Variants in SLC17A1 observed in about 807,000 individuals in gnomAD.
SLC17A1 encodes sodium-dependent phosphate transport protein 1.
Under a neutral mutation model 53.5 loss-of-function variants are expected in SLC17A1, and 51 were observed. The observed-to-expected ratio is 0.95, with a 90% CI of 0.76 to 1.20. The LOEUF is 1.20. Among genes scored for constraint, SLC17A1 ranks in the 50% most tolerant of loss-of-function variants. The pLI is 0.00. For missense variants in SLC17A1, 538 were observed against 568.2 expected (o/e 0.95, Z 0.54); for synonymous variants, 179 against 198.8 (o/e 0.90, Z 0.84).
chr6:25,771,004 A>C, the SLC17A1 span: 1 of 1,613,466 alleles, frequency 6.2e-7, no homozygotes, highest in Non-Finnish European at 8.5e-7. Context: ...TACGTCTTCT[A>C]TATCTTTGGT....
At chr6:25,809,458 A>C (rs571022230) in intron 10 of SLC17A1, among the ~76,000 whole-genome samples, 1 of 152,014 alleles carries the variant, frequency 6.6e-6, no homozygotes, top group South Asian at 2.1e-4. Flanking sequence ...ATTTTTAAAA[A>C]CTCTCCCTAG....
the SLC17A1 span, chr6:25,727,280 C>T: frequency 6.2e-7 from 1 of 1,602,078 alleles, no homozygotes; most frequent in Non-Finnish European, 8.5e-7. Flanking sequence ...CTAAGTACAC[C>T]AGCTCCAAGT....
chr6:25,771,097 T>C, the SLC17A1 span: 25 of 1,093,890 alleles, frequency 2.3e-5, no homozygotes, highest in South Asian at 3.1e-4. Context: ...TCCTAATAGA[T>C]ATGGATATTT....
the SLC17A1 span, among the ~76,000 whole-genome samples, chr6:25,739,078 G>T: frequency 6.6e-6 from 1 of 152,014 alleles, no homozygotes; most frequent in African/African-American, 2.4e-5. Context: ...TAGTCAGTTT[G>T]GGCTGCTACA....
At chr6:25,776,444 T>C in the SLC17A1 span, 1 of 871,236 alleles carries the variant, frequency 1.1e-6, no homozygotes, top group African/African-American at 1.7e-5. Flanking sequence ...ATACTAAAAG[T>C]ATATTGGCTC....
chr6:25,800,908 A>G lies in SLC17A1; in HGVS notation c.1251T>C (p.Thr417=), dbSNP rs1763738779. The G allele has an allele frequency of 3.7e-6, 6 of 1,605,020 alleles. No individual in the cohort carries two copies. The highest frequency in any genetic ancestry group is 4.3e-6 in the Non-Finnish European group (5 of 1,171,858). The change falls in exon 11 of 13, where the codon ACT becomes ACC. Residue 417 remains threonine, a synonymous_variant. Coordinates refer to ENST00000244527, the MANE Select transcript of SLC17A1 (RefSeq NM_005074.5). ...TTCTTACCTGCTTAAGGATCAATCC[A>G]GTCAAAGTGGAAGCAATTAGTCCTC... ...MIGGLIASTL[T]GLILKQDPES... is the part of the protein sequence containing the mutation.
At chr6:25,770,318 A>C in the SLC17A1 span, 1 of 1,613,704 alleles carries the variant, frequency 6.2e-7, no homozygotes, top group African/African-American at 1.3e-5. Flanking sequence ...GATGTTTTCC[A>C]GGTATAAGTG....
chr6:25,744,913 C>T, the SLC17A1 span, among the ~76,000 whole-genome samples: 3 of 152,112 alleles, frequency 2.0e-5, no homozygotes, highest in African/African-American at 7.2e-5. Context: ...TATTTCAGTA[C>T]CCCAAAACTA....
chr6:25,764,414 T>A, the SLC17A1 span, among the ~76,000 whole-genome samples: 1 of 151,972 alleles, frequency 6.6e-6, no homozygotes, highest in Non-Finnish European at 1.5e-5. Context: ...TACAACAACA[T>A]CCCCTTCTGA....
chr6:25,772,504 C>T, the SLC17A1 span, among the ~76,000 whole-genome samples: 1 of 152,052 alleles, frequency 6.6e-6, no homozygotes, highest in Non-Finnish European at 1.5e-5. Context: ...TCTTAAGATT[C>T]TAAAAAGGGA....
the SLC17A1 span, among the ~76,000 whole-genome samples, chr6:25,730,454 G>T: frequency 3.6e-4 from 55 of 152,290 alleles, no homozygotes; most frequent in African/African-American, 1.3e-3. Flanking sequence ...AAAAAAAGTT[G>T]AACTCATATA....
In SLC17A1 at chr6:25,819,528, G is replaced by A; in HGVS notation, c.512C>T (p.Thr171Ile). The A allele has an allele frequency of 6.2e-7, 1 of 1,613,560 alleles. No homozygotes were observed. ...TTCTTTACCTGATGTACTCATAGAA[G>A]TAAGTCGGCCTCGTTCCAGGGGAGG... ...WAPPLERGRLTSMSTSGFLLG... is the reference protein window; with the variant it reads ...WAPPLERGRLISMSTSGFLLG... Residue 171 changes from threonine (T) to isoleucine (I), a missense_variant, in exon 5 of 13, where the codon ACT (threonine) becomes ATT (isoleucine). Transcript: ENST00000244527.
intron 2 of SLC17A1, among the ~76,000 whole-genome samples, chr6:25,827,114 G>A (rs567157239): frequency 6.6e-6 from 1 of 152,180 alleles, no homozygotes; most frequent in African/African-American, 2.4e-5. Context: ...TTGGTGTACA[G>A]CCAAACAAGT....
At chr6:25,785,051 A>G (rs1168676674) in intron 12 of SLC17A1, among the ~76,000 whole-genome samples, 4 of 152,330 alleles carry the variant, frequency 2.6e-5, no homozygotes, top group African/African-American at 9.6e-5. Flanking sequence ...TGAGTTTAGC[A>G]AAGCTGCAGG....
At chr6:25,764,937 C>T in the SLC17A1 span, among the ~76,000 whole-genome samples, 1 of 152,198 alleles carries the variant, frequency 6.6e-6, no homozygotes, top group Non-Finnish European at 1.5e-5. Context: ...TAAAATGGTA[C>T]AGTAGTTAGC....
the SLC17A1 span, chr6:25,726,569 A>G: frequency 4.4e-6 from 7 of 1,575,024 alleles, no homozygotes; most frequent in Middle Eastern, 1.7e-4. Flanking sequence ...CCACATTTCT[A>G]GGGCTGCTAC....
chr6:25,782,894 G>C (rs186394525), downstream of SLC17A1: 1 of 152,138 alleles, frequency 6.6e-6, no homozygotes, highest in African/African-American at 2.4e-5. Flanking sequence ...TGTGGAAAAA[G>C]TCTTTCATGA....
chr6:25,776,378 A>G, the SLC17A1 span, among the ~76,000 whole-genome samples: 1 of 151,074 alleles, frequency 6.6e-6, no homozygotes, highest in South Asian at 2.1e-4. Flanking sequence ...GGTGATTTTT[A>G]TATATAAAGA....
the SLC17A1 span, chr6:25,773,637 C>T: frequency 1.2e-5 from 19 of 1,613,676 alleles, no homozygotes; most frequent in East Asian, 4.5e-5. Flanking sequence ...TACACACCAA[C>T]GTACATCAGC....
Sources: gnomAD v4.1 joint callset for allele counts (sites outside exome capture counted in the v4.1 genomes callset) on GRCh38, gnomAD v4.1.1 for gene constraint, MANE v1.5 for transcripts, NCBI Gene and HGNC (gene_info 2026-07-23, HGNC 2026-07-21) for gene names.